OPCML: variants seen among roughly 807,000 people sequenced by gnomAD.
OPCML encodes opioid binding protein/cell adhesion molecule like, also known as opioid-binding protein/cell adhesion molecule.
Under a neutral mutation model 37.8 loss-of-function variants are expected in OPCML, and 13 were observed. The observed-to-expected ratio is 0.34, with a 90% CI of 0.22 to 0.55. OPCML has a LOEUF of 0.55. OPCML is among the 20% of genes least tolerant of loss of function. The pLI, the probability that OPCML is intolerant of heterozygous loss-of-function variation, is 0.91. For synonymous variants in OPCML, 176 were observed against 168.8 expected, an observed-to-expected ratio of 1.04 and a Z score of -0.33; for missense variants, 341 against 435.6, an observed-to-expected ratio of 0.78 and a Z score of 1.93.
intron 2 of OPCML, among the ~76,000 whole-genome samples, chr11:132,726,476 T>C (rs1944889435): frequency 6.6e-6 from 1 of 151,612 alleles, no homozygotes; most frequent in South Asian, 2.1e-4. Flanking sequence ...CAAGATGAGA[T>C]TTAGGTAGGG....
intron 1 of OPCML, among the ~76,000 whole-genome samples, chr11:133,483,989 C>G (rs1031036927): frequency 7.0e-6 from 1 of 143,458 alleles, no homozygotes; most frequent in Non-Finnish European, 1.5e-5. Flanking sequence ...AGAAAGATAG[C>G]TAGCTAGCTA....
chr11:132,835,981 T>G (rs4551781), intron 2 of OPCML, among the ~76,000 whole-genome samples: 135,247 of 151,808 alleles, frequency 0.89, 61,137 homozygotes, highest in Middle Eastern at 0.96. Context: ...TCCTTTGGTT[T>G]GGAAATGGAA....
chr11:133,195,740 T>A (rs1016696082), intron 1 of OPCML, among the ~76,000 whole-genome samples: 1 of 152,232 alleles, frequency 6.6e-6, no homozygotes, highest in African/African-American at 2.4e-5. Flanking sequence ...CATCTTCCCA[T>A]AAGATTATAA....
intron 2 of OPCML, among the ~76,000 whole-genome samples, chr11:132,880,749 C>T (rs1943195525): frequency 6.6e-6 from 1 of 152,190 alleles, no homozygotes; most frequent in Non-Finnish European, 1.5e-5. Context: ...GTAGAATGGC[C>T]ATATTATTCT....
At chr11:132,483,988 G>A (rs61908190) in intron 4 of OPCML, among the ~76,000 whole-genome samples, 76,445 of 151,660 alleles carry the variant, frequency 0.5, 20,128 homozygotes, top group East Asian at 0.81. Context: ...AGGCTTTACC[G>A]TTCAGGACAT....
intron 2 of OPCML, among the ~76,000 whole-genome samples, chr11:132,729,392 T>TACACACAC (rs3066898): frequency 3.3e-5 from 5 of 151,606 alleles, no homozygotes; most frequent in Admixed American, 6.6e-5. Flanking sequence ...TTATAGATTT[T>TACACACAC]ACACACACAC....
At chr11:132,493,495 C>T (rs2096222338) in intron 4 of OPCML, among the ~76,000 whole-genome samples, 1 of 152,148 alleles carries the variant, frequency 6.6e-6, no homozygotes. Flanking sequence ...GCTTTTAATC[C>T]AGGCTGCCTT....
intron 2 of OPCML, among the ~76,000 whole-genome samples, chr11:132,869,807 C>T (rs1433133766): frequency 6.6e-6 from 1 of 152,140 alleles, no homozygotes; most frequent in Non-Finnish European, 1.5e-5. Context: ...ACTTGACTGC[C>T]TCAAGATTCA....
At chr11:133,398,425 T>C (rs1206273429) in intron 1 of OPCML, among the ~76,000 whole-genome samples, 1 of 152,196 alleles carries the variant, frequency 6.6e-6, no homozygotes, top group Non-Finnish European at 1.5e-5. Flanking sequence ...CTGTCTTCTT[T>C]ATACTCTGGG....
intron 2 of OPCML, among the ~76,000 whole-genome samples, chr11:132,862,608 C>T (rs1942352094): frequency 6.6e-6 from 1 of 152,102 alleles, no homozygotes; most frequent in Non-Finnish European, 1.5e-5. Context: ...TTGCTTGTGG[C>T]CCAGCATCCT....
At chr11:133,296,353 T>C (rs1331370055) in intron 1 of OPCML, among the ~76,000 whole-genome samples, 1 of 152,214 alleles carries the variant, frequency 6.6e-6, no homozygotes, top group Non-Finnish European at 1.5e-5. Flanking sequence ...CCAGTCATTG[T>C]CAGCCCATGA....
chr11:133,184,448 G>A (rs942666884), intron 1 of OPCML, among the ~76,000 whole-genome samples: 4 of 152,138 alleles, frequency 2.6e-5, no homozygotes, highest in Non-Finnish European at 5.9e-5. Flanking sequence ...TGGGGAAGGG[G>A]TGGCTGAAAG....
rs188997695 is a variant in OPCML at position 132,791,685 on chromosome 11, C to G, written c.147-134366G>C. On this transcript the variant is annotated intron_variant, in intron 2 of 7. Coordinates refer to ENST00000524381, the MANE Select transcript of OPCML (RefSeq NM_001012393.5). ...TATATGCTTACCTACTGTGCATGCA[C>G]TCGGCTGCCTCATAAATAGGCACAG... Among the ~76,000 whole-genome samples the G allele has an allele frequency of 1.6e-4, 24 of 152,272 alleles. 1 individual carries two copies. The East Asian group carries it at 2.7e-3, about 17-fold the overall frequency.
chr11:133,230,587 CT>C (rs774498708), intron 1 of OPCML, among the ~76,000 whole-genome samples: 1 of 152,200 alleles, frequency 6.6e-6, no homozygotes, highest in Admixed American at 6.5e-5. Context: ...TTAACAAGAC[CT>C]TATCTGGCAC....
chr11:132,627,215 T>C (rs1311891316), intron 3 of OPCML, among the ~76,000 whole-genome samples: 1 of 152,146 alleles, frequency 6.6e-6, no homozygotes, highest in Non-Finnish European at 1.5e-5. Context: ...ATATGAATTA[T>C]CTAATAACTC....
intron 2 of OPCML, among the ~76,000 whole-genome samples, chr11:132,717,204 A>C (rs908824207): frequency 6.6e-6 from 1 of 152,226 alleles, no homozygotes; most frequent in Non-Finnish European, 1.5e-5. Flanking sequence ...GGATGCTAAC[A>C]GTCTTACTTT....
At chr11:133,291,073 G>A (rs970037695) in intron 1 of OPCML, among the ~76,000 whole-genome samples, 4 of 152,154 alleles carry the variant, frequency 2.6e-5, no homozygotes, top group East Asian at 1.9e-4. Context: ...TTCCTGCTTC[G>A]CTTGCATGTA....
At chr11:132,872,017 C>T (rs1403506581) in intron 2 of OPCML, among the ~76,000 whole-genome samples, 6 of 152,158 alleles carry the variant, frequency 3.9e-5, no homozygotes, top group African/African-American at 1.4e-4. Flanking sequence ...CCCCTTTCAA[C>T]ACTTTACTTT....
Position 133,216,054 on chromosome 11 carries a change from C to T in OPCML, c.62-273044G>A, listed in dbSNP as rs564837692. 3.4e-3 allele frequency among the ~76,000 whole-genome samples: 517 copies of T among 152,218 alleles called. 5 individuals carry two copies. The highest frequency in any genetic ancestry group is 0.011 in the African/African-American group (473 of 41,550). On this transcript the variant is annotated intron_variant, in intron 1 of 7. Transcript: ENST00000524381. ...ACCACAGCACAGCACACTCAGAGGG[C>T]GCCTTCTAAAAAGCCACAGAATGTG...
Sources: gnomAD v4.1 joint callset for allele counts (sites outside exome capture counted in the v4.1 genomes callset) on GRCh38, gnomAD v4.1.1 for gene constraint, MANE v1.5 for transcripts, NCBI Gene and HGNC (gene_info 2026-07-23, HGNC 2026-07-21) for gene names.